The following NACC2 variants were observed in gnomAD, a reference collection of about 807,000 sequenced individuals.
NACC2 encodes NACC family member 2, also known as nucleus accumbens-associated protein 2.
Under a neutral mutation model 25.1 loss-of-function variants are expected in NACC2, and 8 were observed. That is an observed-to-expected ratio of 0.32 (90% CI 0.19 to 0.57). The LOEUF (loss-of-function observed/expected upper bound fraction) is 0.57. Among genes scored for constraint, NACC2 ranks in the 20% least tolerant of loss-of-function variants. NACC2 has a pLI of 0.89. For synonymous variants in NACC2, 435 were observed against 294.7 expected (o/e 1.48, Z -4.88); for missense variants, 644 against 650.2 (o/e 0.99, Z 0.10).
Position 136,063,892 on chromosome 9 carries a change from A to AC in NACC2, c.-59-13313_-59-13312insG, listed in dbSNP as rs1180682037. 3.9e-3 allele frequency among the ~76,000 whole-genome samples: 596 copies of AC among 151,922 alleles called. 4 individuals carry two copies. Among genetic ancestry groups the AC allele is most frequent in the African/African-American group, 0.013 (538 of 41,402 alleles). On this transcript the variant is annotated intron_variant, in intron 1 of 5. Transcript: ENST00000277554. ...GAGCGAGACTCCATCTCAAAAAAAA[A>AC]AAAAACAAAAAAAACAAAAATCACT... is the stretch of plus-strand genomic sequence containing the variant.
chr9:136,074,885 G>A (rs1015440602), intron 1 of NACC2, among the ~76,000 whole-genome samples: 5 of 152,224 alleles, frequency 3.3e-5, no homozygotes, highest in Non-Finnish European at 5.9e-5. Flanking sequence ...CAGCCGAGGC[G>A]GAGTCGGCAG....
chr9:136,027,598 GCA>G (rs1314477136), intron 2 of NACC2, among the ~76,000 whole-genome samples: 3 of 151,930 alleles, frequency 2.0e-5, no homozygotes, highest in Non-Finnish European at 4.4e-5. Flanking sequence ...TGTAAATTAA[GCA>G]GTACATTGCT....
rs1225111525 is a variant in NACC2, at chr9:136,007,996, G to A, written c.*3520C>T. 3 of 152,220 alleles carry A rather than the reference G, an allele frequency of 2.0e-5. No homozygotes were observed. The highest frequency in any genetic ancestry group is 2.9e-5 in the Non-Finnish European group (2 of 68,076). 9.4% of individuals were successfully genotyped at this position (152,220 alleles called of 1,614,324 possible). A position where few individuals can be genotyped will look rare whatever the true frequency, so the allele number is the denominator to read the frequency against. Reference sequence around the variant, plus strand: ...CCAAAGAATGACTCTTCCTGGAGGAGAAAGGAGGCCAGGCAGCCGGCTCCT... The same window carrying A: ...CCAAAGAATGACTCTTCCTGGAGGAAAAAGGAGGCCAGGCAGCCGGCTCCT... On this transcript the variant is annotated 3_prime_UTR_variant, in exon 6 of 6. Transcript: ENST00000277554.
At chr9:136,042,683 TACAC>T (rs199608621) in intron 2 of NACC2, among the ~76,000 whole-genome samples, 4 of 127,210 alleles carry the variant, frequency 3.1e-5, no homozygotes, top group East Asian at 2.4e-4. Context: ...CACACAGACA[TACAC>T]ACACAGACAC....
At chr9:136,046,853 G>A (rs879867245) in intron 2 of NACC2, among the ~76,000 whole-genome samples, 162 of 152,188 alleles carry the variant, frequency 1.1e-3, no homozygotes, top group Non-Finnish European at 1.7e-3. Context: ...GGGCTGTGCC[G>A]GGGACAAAAG....
At chr9:136,042,649 CACACACACAGAA>C (rs1236486249) in intron 2 of NACC2, among the ~76,000 whole-genome samples, 1 of 151,934 alleles carries the variant, frequency 6.6e-6, no homozygotes, top group South Asian at 2.1e-4. Flanking sequence ...CTCACAGACA[CACACACACAGAA>C]ACACACACAG....
chr9:136,051,712 G>A (rs1267428078), intron 1 of NACC2, among the ~76,000 whole-genome samples: 1 of 152,104 alleles, frequency 6.6e-6, no homozygotes, highest in Non-Finnish European at 1.5e-5. Context: ...AGAAGTTGCC[G>A]GCCGGTCGGG....
intron 2 of NACC2, among the ~76,000 whole-genome samples, chr9:136,025,302 C>T (rs535467894): frequency 1.3e-5 from 2 of 152,256 alleles, no homozygotes; most frequent in South Asian, 2.1e-4. Context: ...GTGCTGCTTA[C>T]GACTCCTCAC....
rs1254609429 is a variant in NACC2 at position 136,020,630 on chromosome 9, TTGA to T, written c.887-4204_887-4202del. On this transcript the variant is annotated intron_variant, in intron 2 of 5. Coordinates refer to ENST00000277554, the MANE Select transcript of NACC2 (RefSeq NM_144653.5). This position sits in a 1 kb window ranked among gnomAD's most constrained non-coding sequence, Gnocchi z 4.7. ...CCACAAGAAAATGAGCCCCTAGTCC[TTGA>T]TGATACAGAAATATACAACTTAAAT... 6.6e-6 allele frequency among the ~76,000 whole-genome samples: 1 copy of T among 152,210 alleles called. No individual in the cohort carries two copies. Among genetic ancestry groups the T allele is most frequent in the Non-Finnish European group, 1.5e-5 (1 of 68,044 alleles).
intron 1 of NACC2, among the ~76,000 whole-genome samples, chr9:136,060,874 C>T (rs762864293): frequency 9.9e-5 from 15 of 152,260 alleles, no homozygotes; most frequent in Non-Finnish European, 1.9e-4. Context: ...GAGCCTTCTC[C>T]TCTGCATCCA....
chr9:136,015,306 C>T (rs929212015), intron 3 of NACC2, among the ~76,000 whole-genome samples: 16 of 152,228 alleles, frequency 1.1e-4, no homozygotes, highest in African/African-American at 2.9e-4. Flanking sequence ...CCAGCCGCCC[C>T]GGCAGCCCAG....
chr9:136,051,933 G>A (rs2131164378), intron 1 of NACC2, among the ~76,000 whole-genome samples: 1 of 151,802 alleles, frequency 6.6e-6, no homozygotes, highest in Non-Finnish European at 1.5e-5. Flanking sequence ...GGAGGAGGAG[G>A]AGGAGGGCAG....
chr9:136,059,855 C>T (rs780774457), intron 1 of NACC2, among the ~76,000 whole-genome samples: 5 of 152,226 alleles, frequency 3.3e-5, no homozygotes, highest in South Asian at 2.1e-4. Context: ...CCTACCTCGC[C>T]GTCAAAAGGA....
intron 5 of NACC2, among the ~76,000 whole-genome samples, chr9:136,012,634 C>G (rs1337742445): frequency 6.6e-6 from 1 of 150,420 alleles, no homozygotes; most frequent in East Asian, 2.0e-4. Context: ...TGCTCTAAAA[C>G]AGAATTTGCC....
intron 1 of NACC2, among the ~76,000 whole-genome samples, chr9:136,087,699 C>T (rs970889998): frequency 6.6e-6 from 1 of 152,230 alleles, no homozygotes; most frequent in African/African-American, 2.4e-5. Context: ...GTTTGCCCAG[C>T]TTCCACCGCA....
chr9:136,015,119 C>G (rs1246215740), intron 3 of NACC2, among the ~76,000 whole-genome samples: 2 of 152,164 alleles, frequency 1.3e-5, no homozygotes, highest in African/African-American at 4.8e-5. Flanking sequence ...GAGGAACTCT[C>G]CTGAGGAGCT....
chr9:136,032,066 T>A (rs1281312282), intron 2 of NACC2, among the ~76,000 whole-genome samples: 6 of 143,018 alleles, frequency 4.2e-5, no homozygotes, highest in African/African-American at 9.1e-5. Flanking sequence ...ATGATTTCCC[T>A]CCCGCCAGAC....
intron 1 of NACC2, among the ~76,000 whole-genome samples, chr9:136,052,894 C>T (rs1204086462): frequency 6.6e-6 from 1 of 152,246 alleles, no homozygotes; most frequent in Non-Finnish European, 1.5e-5. Context: ...CGGGACCCCT[C>T]CAGAGAATGT....
Position 136,086,918 on chromosome 9 carries a change from G to A in NACC2, c.-60+8271C>T, listed in dbSNP as rs562781428. ...CTTTCTGCCCCTCCCACACCACACC[G>A]GGGGTTCGCATCTACCTGACCCTTT... On this transcript the variant is annotated intron_variant, in intron 1 of 5. Transcript: ENST00000277554. The surrounding 1 kb of genome is among the most constrained non-coding windows in gnomAD (Gnocchi z 5.6). 1.1e-4 allele frequency among the ~76,000 whole-genome samples: 16 copies of A among 152,326 alleles called. No individual in the cohort carries two copies. Among genetic ancestry groups the A allele is most frequent in the Admixed American group, 4.6e-4 (7 of 15,298 alleles).
Sources: allele counts gnomAD v4.1 joint callset (sites outside exome capture counted in the v4.1 genomes callset), GRCh38; gene constraint gnomAD v4.1.1; non-coding constraint Gnocchi (gnomAD v3.1); transcripts MANE v1.5; gene names NCBI Gene and HGNC (gene_info 2026-07-23, HGNC 2026-07-21).